CYLC2: variants seen among roughly 807,000 people sequenced by gnomAD.
The protein encoded by CYLC2 is cylicin-2.
CYLC2 carries 30 observed loss-of-function variants against 26.1 expected under a neutral mutation model. The observed-to-expected ratio is 1.15, with a 90% confidence interval of 0.86 to 1.56. CYLC2 has a LOEUF of 1.56. CYLC2 is among the 40% of genes most tolerant of loss of function. CYLC2 has a pLI of 0.00. For synonymous variants in CYLC2, 158 were observed against 132.8 expected, an observed-to-expected ratio of 1.19 and a Z score of -1.31; for missense variants, 498 against 394.4, an observed-to-expected ratio of 1.26 and a Z score of -2.23.
rs766571689 is a variant in CYLC2 at position 103,005,237 on chromosome 9, G to C, written c.606G>C (p.Ser202=). ...DKKDSNKGKD[S]ATESEGEKGG... The stretch of plus-strand genomic sequence containing the variant: ...AGGATTCAAACAAAGGCAAAGACTC[G>C]GCAACAGAATCTGAAGGTGAAAAAG... The change falls in exon 5 of 8, where the codon TCG becomes TCC. Residue 202 remains serine, a synonymous_variant. Transcript: ENST00000374798. 1.2e-6 allele frequency: 2 copies of C among 1,612,126 alleles called. No homozygotes were observed. The highest frequency in any genetic ancestry group is 8.5e-7 in the Non-Finnish European group (1 of 1,179,518).
At chr9:102,996,706 G>GT (rs1829241003) in intron 1 of CYLC2, among the ~76,000 whole-genome samples, 1 of 151,972 alleles carries the variant, frequency 6.6e-6, no homozygotes, top group African/African-American at 2.4e-5. Context: ...CAGAGCCTTA[G>GT]TTTTGGACTT....
At chr9:103,009,541 C>A (rs1787394843) in intron 5 of CYLC2, among the ~76,000 whole-genome samples, 1 of 151,936 alleles carries the variant, frequency 6.6e-6, no homozygotes, top group Admixed American at 6.6e-5. Flanking sequence ...GGGTAACTAC[C>A]CCTTCAAAGA....
chr9:103,015,262 TA>T (rs1405281309), intron 6 of CYLC2, among the ~76,000 whole-genome samples: 2 of 123,642 alleles, frequency 1.6e-5, no homozygotes, highest in African/African-American at 5.9e-5. Flanking sequence ...ATATATATTA[TA>T]TACATATATT....
Position 103,005,080 on chromosome 9 carries a change from GA to G in CYLC2, c.453del (p.Glu152LysfsTer4). The G allele has an allele frequency of 6.2e-7, 1 of 1,605,860 alleles. No homozygotes were observed. Among genetic ancestry groups the G allele is most frequent in the South Asian group, 1.1e-5 (1 of 90,300 alleles). On this transcript the variant is annotated frameshift_variant, in exon 5 of 8. Transcript: ENST00000374798. LOFTEE classifies it high-confidence loss of function. ...DSKKGKDIEK[G>X]KEEKLDAKKD... ...AAGAAAGGCAAGGATATAGAGAAAG[GA>G]AAAGAAGAAAAGCTAGATGCAAAGA...
chr9:102,999,401 T>C (rs1447167193), intron 1 of CYLC2, among the ~76,000 whole-genome samples: 1 of 151,876 alleles, frequency 6.6e-6, no homozygotes, highest in Non-Finnish European at 1.5e-5. Context: ...CTGGATATCA[T>C]ATTTACCCAA....
intron 6 of CYLC2, among the ~76,000 whole-genome samples, chr9:103,012,662 T>C (rs2118259792): frequency 6.6e-6 from 1 of 152,166 alleles, no homozygotes; most frequent in South Asian, 2.1e-4. Context: ...ATCTAAATAA[T>C]AATTGAGTTT....
Position 103,005,355 on chromosome 9 carries a change from A to G in CYLC2, c.724A>G (p.Lys242Glu), listed in dbSNP as rs1237808657. The G allele has an allele frequency of 6.2e-7, 1 of 1,613,990 alleles. No individual in the cohort carries two copies. The change falls in exon 5 of 8, where the codon AAG (lysine) becomes GAG (glutamate). Residue 242 changes from lysine to glutamate, a missense_variant. By Grantham distance (56) the Lys-to-Glu change is moderately conservative (BLOSUM62 1). Coordinates refer to ENST00000374798, the MANE Select transcript of CYLC2 (RefSeq NM_001340.5). Reference protein sequence around the residue: ...IELQAVKADEKKDEDGKKDAN... With the variant: ...IELQAVKADEEKDEDGKKDAN... ...ATTACAAGCTGTAAAAGCAGATGAAAAGAAGGATGAGGATGGAAAAAAAGA... is the reference window on the plus strand; with the variant it reads ...ATTACAAGCTGTAAAAGCAGATGAAGAGAAGGATGAGGATGGAAAAAAAGA...
intron 1 of CYLC2, among the ~76,000 whole-genome samples, chr9:103,000,175 G>C (rs1480076221): frequency 6.6e-6 from 1 of 151,452 alleles, no homozygotes; most frequent in African/African-American, 2.4e-5. Context: ...TTTTAAATAG[G>C]TTTTCATTGT....
In CYLC2 at chr9:103,006,101, A is replaced by G. The variant is rs1829346812; in HGVS notation, c.*423A>G. 6.4e-6 allele frequency: 1 copy of G among 156,684 alleles called. No individual in the cohort carries two copies. The highest frequency in any genetic ancestry group is 2.4e-5 in the African/African-American group (1 of 41,126). 9.7% of individuals were successfully genotyped at this position (156,684 alleles called of 1,614,324 possible). Reference sequence around the variant, plus strand: ...TAATGAAGGCTTAAAGAATCCAAGGAGACAGATGTTGTATCTATAGATTTA... The same window carrying G: ...TAATGAAGGCTTAAAGAATCCAAGGGGACAGATGTTGTATCTATAGATTTA... On this transcript the variant is annotated 3_prime_UTR_variant, in exon 5 of 8. Transcript: ENST00000374798.
intron 5 of CYLC2, among the ~76,000 whole-genome samples, chr9:103,008,833 T>C (rs1381367154): frequency 6.6e-6 from 1 of 152,154 alleles, no homozygotes; most frequent in Non-Finnish European, 1.5e-5. Context: ...GGGAAGCCCC[T>C]GCTTCATGTC....
At position 103,001,570 on chromosome 9, in the gene CYLC2, T is replaced by A; in HGVS notation, c.18-8T>A. ...ATTAACTAAAACCTTTCTTTTTTGT[T>A]TTAATAGCCAAAGAGTAAACTTTGG... On this transcript the variant is annotated splice_polypyrimidine_tract_variant and splice_region_variant and intron_variant, in intron 1 of 7. Coordinates refer to ENST00000374798, the MANE Select transcript of CYLC2 (RefSeq NM_001340.5). 6.5e-7 allele frequency: 1 copy of A among 1,529,014 alleles called. No individual in the cohort carries two copies. The highest frequency in any genetic ancestry group is 9.0e-7 in the Non-Finnish European group (1 of 1,110,584). 94.7% of individuals were successfully genotyped at this position (1,529,014 alleles called of 1,614,324 possible). A position where few individuals can be genotyped will look rare whatever the true frequency, so the allele number is the denominator to read the frequency against.
At chr9:103,013,377 A>C (rs1488499121) in intron 6 of CYLC2, among the ~76,000 whole-genome samples, 3 of 108,758 alleles carry the variant, frequency 2.8e-5, no homozygotes, top group African/African-American at 3.8e-5. Context: ...TATTTAATAT[A>C]TTATATAAAT....
intron 1 of CYLC2, among the ~76,000 whole-genome samples, chr9:102,997,858 C>T (rs1420336395): frequency 6.6e-6 from 1 of 151,826 alleles, no homozygotes; most frequent in Non-Finnish European, 1.5e-5. Context: ...GAAAAACAAA[C>T]TTGGTTAAAG....
At position 103,005,338 on chromosome 9, in the gene CYLC2, C is replaced by A. The variant is rs764604266; in HGVS notation, c.707C>A (p.Ala236Asp). Reference protein sequence around the residue: ...KGKDSAIELQAVKADEKKDED... With the variant: ...KGKDSAIELQDVKADEKKDED... ...AAGGATTCAGCCATAGAATTACAAG[C>A]TGTAAAAGCAGATGAAAAGAAGGAT... The change falls in exon 5 of 8, where the codon GCT becomes GAT. Residue 236 changes from alanine to aspartate, a missense_variant. Coordinates refer to ENST00000374798, the MANE Select transcript of CYLC2 (RefSeq NM_001340.5). The A allele has an allele frequency of 8.7e-6, 14 of 1,613,424 alleles. No individual in the cohort carries two copies. The East Asian group carries it at 3.1e-4, about 36-fold the overall frequency.
At chr9:103,017,425 C>G (rs1222700344) in intron 7 of CYLC2, among the ~76,000 whole-genome samples, 1 of 151,974 alleles carries the variant, frequency 6.6e-6, no homozygotes. Flanking sequence ...TCTCTAACTT[C>G]TACACAAATT....
intron 6 of CYLC2, among the ~76,000 whole-genome samples, chr9:103,013,373 AT>A (rs1262216350): frequency 2.4e-4 from 25 of 103,418 alleles, no homozygotes; most frequent in African/African-American, 1.1e-3. Context: ...TATATATTTA[AT>A]ATATTATATA....
At chr9:103,015,435 T>C (rs1284125860) in intron 6 of CYLC2, among the ~76,000 whole-genome samples, 2 of 137,040 alleles carry the variant, frequency 1.5e-5, no homozygotes, top group African/African-American at 2.7e-5. Flanking sequence ...TATATACTTA[T>C]ATATCATTAA....
chr9:103,014,587 A>C (rs1318907715), intron 6 of CYLC2, among the ~76,000 whole-genome samples: 1 of 144,326 alleles, frequency 6.9e-6, no homozygotes, highest in African/African-American at 2.5e-5. Flanking sequence ...AGTATACATC[A>C]TATGTATATT....
At chr9:103,014,020 A>G (rs1281010393) in intron 6 of CYLC2, among the ~76,000 whole-genome samples, 1 of 115,274 alleles carries the variant, frequency 8.7e-6, no homozygotes, top group Non-Finnish European at 1.6e-5. Flanking sequence ...TATATTAAAT[A>G]TATTATTCAT....
Sources: allele counts gnomAD v4.1 joint callset (sites outside exome capture counted in the v4.1 genomes callset), GRCh38; gene constraint gnomAD v4.1.1; transcripts MANE v1.5; gene names NCBI Gene and HGNC (gene_info 2026-07-23, HGNC 2026-07-21).